The following BCAS3 variants were observed in gnomAD, a reference collection of about 807,000 sequenced individuals.
BCAS3 encodes BCAS3 microtubule associated cell migration factor.
Under a neutral mutation model 116.1 loss-of-function variants are expected in BCAS3, and 53 were observed. The ratio of observed to expected loss-of-function variants is 0.46; its 90% CI spans 0.37 to 0.57. The LOEUF (loss-of-function observed/expected upper bound fraction) is 0.57, where lower values mean the gene tolerates loss of function less well. BCAS3 is among the 20% of genes least tolerant of loss of function. The pLI is 0.00. For synonymous variants in BCAS3, 391 were observed against 408.2 expected (o/e 0.96, Z 0.51); for missense variants, 917 against 1,165.4 (o/e 0.79, Z 3.10).
chr17:61,033,115 A>T (rs1333082956), intron 16 of BCAS3, among the ~76,000 whole-genome samples: 1 of 152,204 alleles, frequency 6.6e-6, no homozygotes, highest in East Asian at 1.9e-4. Flanking sequence ...GTTGGGGCTG[A>T]GGGCCATATA....
intron 22 of BCAS3, among the ~76,000 whole-genome samples, chr17:61,322,836 G>GAGAGAGAGAGAGAGAC (rs2055388296): frequency 1.4e-5 from 2 of 139,966 alleles, no homozygotes; most frequent in Admixed American, 6.9e-5. Flanking sequence ...GAGACAGAGA[G>GAGAGAGAGAGAGAGAC]AGAGAGAGAG....
chr17:61,116,040 A>G (rs991239787), intron 22 of BCAS3, among the ~76,000 whole-genome samples: 4 of 143,192 alleles, frequency 2.8e-5, no homozygotes, highest in Non-Finnish European at 4.5e-5. Context: ...GAATTGAACA[A>G]TGAGATCACA....
chr17:61,052,711 CTTTCTTTT>C (rs2068973739), intron 19 of BCAS3, among the ~76,000 whole-genome samples: 1 of 135,924 alleles, frequency 7.4e-6, no homozygotes, highest in African/African-American at 2.9e-5. Context: ...TTCTTTCTTT[CTTTCTTTT>C]TTTTTTTTTT....
At chr17:60,694,176 G>A (rs1042336325) in intron 4 of BCAS3, among the ~76,000 whole-genome samples, 151 of 147,516 alleles carry the variant, frequency 1.0e-3, no homozygotes, top group African/African-American at 3.6e-3. Context: ...GTGAGCCACC[G>A]CGCCCGGCCA....
intron 6 of BCAS3, among the ~76,000 whole-genome samples, chr17:60,804,095 G>C (rs955316762): frequency 6.0e-5 from 9 of 150,918 alleles, no homozygotes; most frequent in Non-Finnish European, 1.2e-4. Flanking sequence ...GAGCCACTGC[G>C]CCCGGCCACT....
In BCAS3 at chr17:61,214,043, C is replaced by A. The variant is rs987609882; in HGVS notation, c.2425+129479C>A. Among the ~76,000 whole-genome samples the A allele has an allele frequency of 6.6e-6, 1 of 152,088 alleles. No individual in the cohort carries two copies. Among genetic ancestry groups the A allele is most frequent in the Non-Finnish European group, 1.5e-5 (1 of 68,028 alleles). On this transcript the variant is annotated intron_variant, in intron 22 of 23. Coordinates refer to ENST00000407086, the MANE Select transcript of BCAS3 (RefSeq NM_017679.5). The surrounding 1 kb of genome is among the most constrained non-coding windows in gnomAD (Gnocchi z 4.4). ...AGATTCTACCTAACCTCACAGGACT[C>A]CTAGCATGGCTGGTTTCAAAACTCG... is the stretch of plus-strand genomic sequence containing the variant.
intron 14 of BCAS3, among the ~76,000 whole-genome samples, chr17:60,973,253 C>A (rs1353376923): frequency 6.6e-6 from 1 of 152,052 alleles, no homozygotes; most frequent in African/African-American, 2.4e-5. Flanking sequence ...GAAAGGGCAC[C>A]ATCAGTGATG....
intron 22 of BCAS3, among the ~76,000 whole-genome samples, chr17:61,166,875 T>C (rs1289517563): frequency 6.6e-6 from 1 of 151,982 alleles, no homozygotes; most frequent in African/African-American, 2.4e-5. Flanking sequence ...CCACCATGAC[T>C]GGCTAATTTT....
At chr17:61,210,103 T>G (rs186647851) in intron 22 of BCAS3, among the ~76,000 whole-genome samples, 3 of 152,326 alleles carry the variant, frequency 2.0e-5, no homozygotes, top group Admixed American at 1.3e-4. Flanking sequence ...TTCACCACAT[T>G]TGGGAGTTGA....
At chr17:60,893,694 C>T (rs1219673566) in intron 10 of BCAS3, among the ~76,000 whole-genome samples, 10 of 149,736 alleles carry the variant, frequency 6.7e-5, no homozygotes, top group Non-Finnish European at 1.0e-4. Flanking sequence ...TTGCAACCTC[C>T]GCCTCCTGGG....
chr17:60,940,376 A>G (rs2060163367), intron 13 of BCAS3, among the ~76,000 whole-genome samples: 4 of 152,216 alleles, frequency 2.6e-5, no homozygotes, highest in South Asian at 2.1e-4. Flanking sequence ...GAGTTTGATT[A>G]TTAGTGTTTG....
At chr17:61,111,248 C>T (rs1011584116) in intron 22 of BCAS3, among the ~76,000 whole-genome samples, 18 of 151,982 alleles carry the variant, frequency 1.2e-4, no homozygotes, top group Non-Finnish European at 2.1e-4. Context: ...ATGACTTTGA[C>T]AAGCTGAGAG....
intron 6 of BCAS3, among the ~76,000 whole-genome samples, chr17:60,795,830 C>T (rs1385086909): frequency 3.9e-5 from 6 of 152,100 alleles, no homozygotes; most frequent in Non-Finnish European, 8.8e-5. Flanking sequence ...GCTGGGATTA[C>T]AGGCATGCGC....
intron 7 of BCAS3, among the ~76,000 whole-genome samples, chr17:60,867,225 C>A (rs1284270455): frequency 6.6e-6 from 1 of 151,858 alleles, no homozygotes; most frequent in African/African-American, 2.4e-5. Context: ...CCTGCTTCAG[C>A]CTCTCAAGTA....
In BCAS3 at chr17:61,239,008, A is replaced by C. The variant is rs1233624978; in HGVS notation, c.2426-129319A>C. On this transcript the variant is annotated intron_variant, in intron 22 of 23. Transcript: ENST00000407086. The surrounding 1 kb of genome is among the most constrained non-coding windows in gnomAD (Gnocchi z 4.2). ...GAAGTCCAAAATGCTTGGGTACCTAAGATTTTTTTAATTTGTTCGTGTATA... is the reference window on the plus strand; with the variant it reads ...GAAGTCCAAAATGCTTGGGTACCTACGATTTTTTTAATTTGTTCGTGTATA... Among the ~76,000 whole-genome samples the C allele has an allele frequency of 2.0e-5, 3 of 152,192 alleles. No homozygotes were observed. Among genetic ancestry groups the C allele is most frequent in the Non-Finnish European group, 4.4e-5 (3 of 68,034 alleles).
At chr17:60,936,605 G>A (rs1319285601) in intron 13 of BCAS3, among the ~76,000 whole-genome samples, 1 of 152,128 alleles carries the variant, frequency 6.6e-6, no homozygotes, top group Non-Finnish European at 1.5e-5. Context: ...TTCTCTGATG[G>A]CCAGTGATGA....
In BCAS3 at chr17:61,261,296, C is replaced by T. The variant is rs1212851804; in HGVS notation, c.2426-107031C>T. The stretch of plus-strand genomic sequence containing the variant: ...GAGCTGCGACCCAGGGAAATCCTGC[C>T]TCCCAGTCTTAGCTGGGCGAGGGAC... On this transcript the variant is annotated intron_variant, in intron 22 of 23. Coordinates refer to ENST00000407086, the MANE Select transcript of BCAS3 (RefSeq NM_017679.5). The surrounding 1 kb of genome is among the most constrained non-coding windows in gnomAD (Gnocchi z 4.4). Among the ~76,000 whole-genome samples the T allele has an allele frequency of 6.6e-6, 1 of 152,206 alleles. No individual in the cohort carries two copies. The highest frequency in any genetic ancestry group is 2.4e-5 in the African/African-American group (1 of 41,464).
rs940499985 is a variant in BCAS3, at chr17:61,162,240, G to A, written c.2425+77676G>A. Among the ~76,000 whole-genome samples, 1 of 152,152 alleles carries A rather than the reference G, an allele frequency of 6.6e-6. No individual in the cohort carries two copies. The highest frequency in any genetic ancestry group is 1.9e-4 in the East Asian group (1 of 5,190). On this transcript the variant is annotated intron_variant, in intron 22 of 23. Transcript: ENST00000407086. This position sits in a 1 kb window ranked among gnomAD's most constrained non-coding sequence, Gnocchi z 5.6. The stretch of plus-strand genomic sequence containing the variant: ...ATGGAGCCACGGTTCTTACAGGAGT[G>A]GGTATGGTTCACATAGGAAGTGGGA...
At chr17:61,284,656 T>C (rs538969589) in intron 22 of BCAS3, among the ~76,000 whole-genome samples, 6 of 150,738 alleles carry the variant, frequency 4.0e-5, no homozygotes, top group South Asian at 2.1e-4. Context: ...TTTTTTTTTT[T>C]CCTCTACTCT....
Sources: allele counts gnomAD v4.1 joint callset (sites outside exome capture counted in the v4.1 genomes callset), GRCh38; gene constraint gnomAD v4.1.1; non-coding constraint Gnocchi (gnomAD v3.1); transcripts MANE v1.5; gene names NCBI Gene and HGNC (gene_info 2026-07-23, HGNC 2026-07-21).